CD8B2: variants seen among roughly 807,000 people sequenced by gnomAD.
CD8B2 encodes T-cell surface glycoprotein CD8 beta-2 chain.
In CD8B2, 11 loss-of-function variants were observed where a neutral mutation model predicts 23.7. The ratio of observed to expected loss-of-function variants is 0.46; its 90% CI spans 0.29 to 0.77. The LOEUF (loss-of-function observed/expected upper bound fraction) is 0.77. Among genes scored for constraint, CD8B2 ranks in the 30% least tolerant of loss-of-function variants. The pLI is 0.09. For synonymous variants in CD8B2, 90 were observed against 109.3 expected (o/e 0.82, Z 1.10); for missense variants, 197 against 270.5 (o/e 0.73, Z 1.91).
At chr2:106,539,554 G>A (rs569250369) in intron 5 of CD8B2, among the ~76,000 whole-genome samples, 2 of 152,258 alleles carry the variant, frequency 1.3e-5, no homozygotes, top group South Asian at 4.2e-4. Flanking sequence ...GGGGCCACAC[G>A]GGGCTGCAGC....
At chr2:106,498,156 T>C (rs1573332043) in intron 3 of CD8B2, among the ~76,000 whole-genome samples, 1 of 151,784 alleles carries the variant, frequency 6.6e-6, no homozygotes, top group Non-Finnish European at 1.5e-5. Context: ...TTCTTTCTTT[T>C]TTTTTTTTTG....
intron 5 of CD8B2, among the ~76,000 whole-genome samples, chr2:106,505,787 C>T (rs868009001): frequency 1.3e-4 from 20 of 152,116 alleles, no homozygotes; most frequent in African/African-American, 4.8e-4. Flanking sequence ...CTGCCCCCTA[C>T]CCAAGAGATA....
intron 5 of CD8B2, among the ~76,000 whole-genome samples, chr2:106,516,148 G>A (rs1342796869): frequency 6.6e-6 from 1 of 152,034 alleles, no homozygotes; most frequent in Admixed American, 6.6e-5. Context: ...TTTTTTGAAG[G>A]TTTGAGCATG....
rs1431156275 is a variant in CD8B2, at chr2:106,502,385, A to G, written c.494-89A>G. ...GTATTCTCTGGGAGGTGGGGCTTCC[A>G]GTTGAATTTTTCGCTCCTTGTATTT... is the stretch of plus-strand genomic sequence containing the variant. On this transcript the variant is annotated intron_variant, in intron 3 of 5. Coordinates refer to ENST00000643224, the MANE Select transcript of CD8B2 (RefSeq NM_001349727.2). The G allele has an allele frequency of 1.2e-5, 8 of 659,334 alleles. No homozygotes were observed. In the Admixed American group the frequency reaches 1.4e-4, roughly 12 times the overall value. 40.8% of individuals were successfully genotyped at this position (659,334 alleles called of 1,614,324 possible).
At chr2:106,492,761 C>T (rs149421828) in intron 2 of CD8B2, among the ~76,000 whole-genome samples, 3 of 152,172 alleles carry the variant, frequency 2.0e-5, no homozygotes, top group East Asian at 1.9e-4. Context: ...GACAGCAGCA[C>T]GATTAGGAAG....
intron 3 of CD8B2, among the ~76,000 whole-genome samples, chr2:106,498,976 C>T (rs530496920): frequency 6.6e-6 from 1 of 152,138 alleles, no homozygotes; most frequent in East Asian, 1.9e-4. Flanking sequence ...TCAGGAGACC[C>T]TGAGGCCCCA....
rs531759951 is a variant in CD8B2 at position 106,490,414 on chromosome 2, C to A, written c.44-460C>A. Among the ~76,000 whole-genome samples, 59 of 152,218 alleles carry A rather than the reference C, an allele frequency of 3.9e-4. 1 individual carries two copies. The highest frequency in any genetic ancestry group is 1.3e-3 in the African/African-American group (56 of 41,538). ...TGGTGGTACATGCCTATAGTCTCAGCTACTTGGGAGGCTGAGGTGGGAAGA... is the reference window on the plus strand; with the variant it reads ...TGGTGGTACATGCCTATAGTCTCAGATACTTGGGAGGCTGAGGTGGGAAGA... On this transcript the variant is annotated intron_variant, in intron 1 of 5. Coordinates refer to ENST00000643224, the MANE Select transcript of CD8B2 (RefSeq NM_001349727.2).
intron 5 of CD8B2, among the ~76,000 whole-genome samples, chr2:106,504,677 T>A (rs1016102879): frequency 6.6e-6 from 1 of 152,124 alleles, no homozygotes; most frequent in Non-Finnish European, 1.5e-5. Context: ...GACCAATAAG[T>A]TAAATGTATT....
At chr2:106,503,478 A>G (rs62154000) in intron 4 of CD8B2, among the ~76,000 whole-genome samples, 22,684 of 152,262 alleles carry the variant, frequency 0.15, 1,973 homozygotes, top group Non-Finnish European at 0.19. Context: ...GTGGTTTGCA[A>G]ACTCTCTCGA....
At chr2:106,543,702 A>C (rs910181900) in intron 5 of CD8B2, among the ~76,000 whole-genome samples, 1 of 152,196 alleles carries the variant, frequency 6.6e-6, no homozygotes, top group African/African-American at 2.4e-5. Flanking sequence ...AAAGAAACAA[A>C]ATATCCAAAG....
chr2:106,495,971 T>C (rs1385819076), intron 2 of CD8B2, among the ~76,000 whole-genome samples: 1 of 151,932 alleles, frequency 6.6e-6, no homozygotes, highest in Non-Finnish European at 1.5e-5. Context: ...GCTAAACTTT[T>C]TATTTTTTGT....
At chr2:106,536,902 C>T (rs1680098687) in intron 5 of CD8B2, among the ~76,000 whole-genome samples, 1 of 152,222 alleles carries the variant, frequency 6.6e-6, no homozygotes, top group Non-Finnish European at 1.5e-5. Flanking sequence ...CCTGCATCAG[C>T]CCAGAGCATG....
At chr2:106,542,981 G>T (rs1680200938) in intron 5 of CD8B2, 2 of 152,086 alleles carry the variant, frequency 1.3e-5, no homozygotes, top group Admixed American at 6.6e-5. Context: ...CGGCCATGCC[G>T]CACAGGTCCG....
intron 5 of CD8B2, among the ~76,000 whole-genome samples, chr2:106,505,645 A>G (rs1679490440): frequency 6.6e-6 from 1 of 152,214 alleles, no homozygotes; most frequent in African/African-American, 2.4e-5. Flanking sequence ...TCATATTACT[A>G]TATGCTCTGC....
At chr2:106,529,366 T>C (rs1679962379) in intron 5 of CD8B2, among the ~76,000 whole-genome samples, 1 of 152,004 alleles carries the variant, frequency 6.6e-6, no homozygotes, top group Admixed American at 6.6e-5. Context: ...TAGTTGTCCT[T>C]GGTATCCCCT....
intron 5 of CD8B2, chr2:106,535,464 G>A (rs1680070815): frequency 6.6e-6 from 1 of 151,986 alleles, no homozygotes; most frequent in Non-Finnish European, 1.5e-5. Context: ...GAAATTGAAG[G>A]TGTTTGCCCA....
chr2:106,531,265 T>C (rs904634448), intron 5 of CD8B2, among the ~76,000 whole-genome samples: 2 of 152,166 alleles, frequency 1.3e-5, no homozygotes, highest in South Asian at 2.1e-4. Flanking sequence ...ACATAGTAGA[T>C]ACCGTCCCCC....
chr2:106,541,093 G>A (rs561687545), intron 5 of CD8B2, among the ~76,000 whole-genome samples: 82 of 152,302 alleles, frequency 5.4e-4, no homozygotes, highest in Admixed American at 2.7e-3. Flanking sequence ...CAGGCTTGGT[G>A]GGCTGGGGCA....
chr2:106,508,721 A>G lies in CD8B2; in HGVS notation c.*1781A>G, dbSNP rs889477497. ...TTAATCTGGGTGAAGGATTTGGTCCATGGCTAATGAAAGGCTGAGGTGAAT... is the reference window on the plus strand; with the variant it reads ...TTAATCTGGGTGAAGGATTTGGTCCGTGGCTAATGAAAGGCTGAGGTGAAT... On this transcript the variant is annotated 3_prime_UTR_variant, in exon 6 of 6. Transcript: ENST00000643224. 6.6e-6 allele frequency: 1 copy of G among 152,194 alleles called. No homozygotes were observed. The highest frequency in any genetic ancestry group is 1.5e-5 in the Non-Finnish European group (1 of 68,042). 9.4% of individuals were successfully genotyped at this position (152,194 alleles called of 1,614,324 possible).
Sources: gnomAD v4.1 joint callset for allele counts (sites outside exome capture counted in the v4.1 genomes callset) on GRCh38, gnomAD v4.1.1 for gene constraint, MANE v1.5 for transcripts, NCBI Gene and HGNC (gene_info 2026-07-23, HGNC 2026-07-21) for gene names.